Variants in PAK1 observed in about 807,000 individuals in gnomAD.
PAK1 encodes the protein p21 (RAC1) activated kinase 1.
In PAK1, 29 loss-of-function variants were observed where a neutral mutation model predicts 67.4. The ratio of observed to expected loss-of-function variants is 0.43; its 90% CI spans 0.32 to 0.59. The LOEUF is 0.59. Among genes scored for constraint, PAK1 ranks in the 20% least tolerant of loss-of-function variants. The pLI is 0.07. For missense variants in PAK1, 337 were observed against 670.7 expected, an observed-to-expected ratio of 0.50 and a Z score of 5.50; for synonymous variants, 223 against 237.4, an observed-to-expected ratio of 0.94 and a Z score of 0.56.
intron 1 of PAK1, among the ~76,000 whole-genome samples, chr11:77,432,023 T>C (rs1955885396): frequency 1.3e-5 from 2 of 152,294 alleles, no homozygotes; most frequent in Non-Finnish European, 2.9e-5. Flanking sequence ...TCTCCTCAAT[T>C]AACGTGAATA....
At position 77,374,481 on chromosome 11, in the gene PAK1, T is replaced by A. The variant is rs17135590; in HGVS notation, c.440-116A>T. On this transcript the variant is annotated intron_variant, in intron 4 of 14. Transcript: ENST00000356341. ...TGCCAGATTCAGAGAATAGTAATAG[T>A]ATGACTGGTACTACAGGCTAGATAT... 2.2e-3 allele frequency: 1,559 copies of A among 704,844 alleles called. 14 individuals are homozygous for A. The African/African-American group carries it at 0.025, about 11-fold the overall frequency. The allele number at this position is 704,844 out of a possible 1,614,324, so 43.7% of individuals were successfully genotyped here. A position where few individuals can be genotyped will look rare whatever the true frequency, so the allele number is the denominator to read the frequency against.
intron 10 of PAK1, among the ~76,000 whole-genome samples, chr11:77,341,954 A>G (rs1943670743): frequency 6.6e-6 from 1 of 152,216 alleles, no homozygotes; most frequent in Admixed American, 6.5e-5. Context: ...TTTCTTCAAC[A>G]ATCTCTTTTG....
At chr11:77,398,844 G>A (rs561344050) in intron 1 of PAK1, among the ~76,000 whole-genome samples, 9 of 152,158 alleles carry the variant, frequency 5.9e-5, no homozygotes, top group East Asian at 1.9e-4. Context: ...TTTGTGTTCC[G>A]CTACTTCTGA....
At chr11:77,409,728 G>C (rs888468669) in intron 1 of PAK1, among the ~76,000 whole-genome samples, 1 of 151,894 alleles carries the variant, frequency 6.6e-6, no homozygotes, top group Non-Finnish European at 1.5e-5. Context: ...ATATGTAGGA[G>C]GTAAAAAAAG....
At chr11:77,517,914 C>G in the PAK1 span, among the ~76,000 whole-genome samples, 1 of 152,088 alleles carries the variant, frequency 6.6e-6, no homozygotes, top group South Asian at 2.1e-4. Context: ...CTAATGCCAT[C>G]TGAGAGGAGG....
intron 1 of PAK1, among the ~76,000 whole-genome samples, chr11:77,410,684 G>A (rs1370603330): frequency 6.6e-6 from 1 of 151,534 alleles, no homozygotes; most frequent in Admixed American, 6.6e-5. Context: ...GGGACGGCGG[G>A]AGAAAAGGTA....
intron 14 of PAK1, among the ~76,000 whole-genome samples, chr11:77,331,828 GA>G (rs1941607349): frequency 6.7e-6 from 1 of 149,986 alleles, no homozygotes; most frequent in East Asian, 1.9e-4. Flanking sequence ...AAAAAAGAAA[GA>G]AAAATAAAAC....
At chr11:77,511,206 G>T in the PAK1 span, among the ~76,000 whole-genome samples, 1 of 152,168 alleles carries the variant, frequency 6.6e-6, no homozygotes, top group Admixed American at 6.5e-5. Context: ...ACACAGGGAA[G>T]GGGGGCAGGA....
intron 9 of PAK1, among the ~76,000 whole-genome samples, chr11:77,348,660 C>G (rs1428077451): frequency 6.6e-6 from 1 of 152,140 alleles, no homozygotes; most frequent in South Asian, 2.1e-4. Context: ...ATAATATCAC[C>G]CACTTGTAAG....
chr11:77,423,112 T>C (rs1196228148), intron 1 of PAK1, among the ~76,000 whole-genome samples: 1 of 151,980 alleles, frequency 6.6e-6, no homozygotes, highest in Non-Finnish European at 1.5e-5. Context: ...AGAAGCATAC[T>C]AGAGAATCAA....
chr11:77,472,030 G>A (rs1957881248), intron 1 of PAK1, among the ~76,000 whole-genome samples: 1 of 152,140 alleles, frequency 6.6e-6, no homozygotes, highest in Admixed American at 6.5e-5. Context: ...GACCTTCATT[G>A]TTTACTTGTC....
At chr11:77,377,335 G>A (rs1465437327) in intron 4 of PAK1, among the ~76,000 whole-genome samples, 1 of 152,076 alleles carries the variant, frequency 6.6e-6, no homozygotes, top group East Asian at 1.9e-4. Flanking sequence ...ATGGTAAATA[G>A]GGAAAGGAGA....
intron 14 of PAK1, among the ~76,000 whole-genome samples, chr11:77,327,090 A>C (rs1940135413): frequency 6.6e-6 from 1 of 152,212 alleles, no homozygotes; most frequent in East Asian, 1.9e-4. Flanking sequence ...GAGAAAAAAG[A>C]ATAAAAAGAA....
intron 2 of PAK1, among the ~76,000 whole-genome samples, chr11:77,380,457 C>T (rs555470027): frequency 9.2e-5 from 14 of 152,274 alleles, no homozygotes; most frequent in Middle Eastern, 3.4e-3. Context: ...CACGCCACTG[C>T]ATTCCAGCCT....
In PAK1 at chr11:77,402,121, A is replaced by C. The variant is rs1952778634; in HGVS notation, c.-21-9580T>G. ...GCAATTTACCTAAGATCACTAAATG[A>C]AAGAGTGATAAAAACATTACTAGCT... On this transcript the variant is annotated intron_variant, in intron 1 of 14. Coordinates refer to ENST00000356341, the MANE Select transcript of PAK1 (RefSeq NM_002576.5). Among the ~76,000 whole-genome samples the C allele has an allele frequency of 3.3e-5, 5 of 152,192 alleles. No homozygotes were observed. The South Asian group carries it at 1.0e-3, about 31-fold the overall frequency.
intron 1 of PAK1, among the ~76,000 whole-genome samples, chr11:77,454,116 T>C (rs1956980547): frequency 6.6e-6 from 1 of 152,178 alleles, no homozygotes; most frequent in South Asian, 2.1e-4. Context: ...CCAAGTATCA[T>C]CATTCATATT....
the PAK1 span, among the ~76,000 whole-genome samples, chr11:77,519,447 T>G: frequency 2.6e-5 from 4 of 152,244 alleles, no homozygotes; most frequent in African/African-American, 9.6e-5. Context: ...GGGTTCCTTT[T>G]CTTTTTTCTC....
intron 4 of PAK1, among the ~76,000 whole-genome samples, chr11:77,375,934 G>A (rs207472021): frequency 6.6e-6 from 1 of 152,120 alleles, no homozygotes; most frequent in Admixed American, 6.6e-5. Flanking sequence ...AGCAAATCAT[G>A]AACCCACAAA....
intron 1 of PAK1, among the ~76,000 whole-genome samples, chr11:77,458,175 G>A (rs1957164050): frequency 6.6e-6 from 1 of 152,142 alleles, no homozygotes. Context: ...TTTTTAAAAT[G>A]TTGATGGGGC....
Sources: allele counts gnomAD v4.1 joint callset (sites outside exome capture counted in the v4.1 genomes callset), GRCh38; gene constraint gnomAD v4.1.1; transcripts MANE v1.5; gene names NCBI Gene and HGNC (gene_info 2026-07-23, HGNC 2026-07-21).